CREB5: variants seen among roughly 807,000 people sequenced by gnomAD.
CREB5 encodes the protein cAMP responsive element binding protein 5.
Under a neutral mutation model 57.1 loss-of-function variants are expected in CREB5, and 19 were observed. The ratio of observed to expected loss-of-function variants is 0.33; its 90% CI spans 0.23 to 0.49. The LOEUF (loss-of-function observed/expected upper bound fraction) is 0.49. Ranked by LOEUF, CREB5 falls within the 20% of genes least tolerant of loss-of-function variation. CREB5 has a pLI of 0.99. For missense variants in CREB5, 579 were observed against 671.6 expected, an observed-to-expected ratio of 0.86 and a Z score of 1.52; for synonymous variants, 238 against 238.3, an observed-to-expected ratio of 1.00 and a Z score of 0.01.
chr7:28,731,894 A>G (rs1198799841), intron 7 of CREB5, among the ~76,000 whole-genome samples: 1 of 152,124 alleles, frequency 6.6e-6, no homozygotes, highest in Admixed American at 6.5e-5. Context: ...GACTTGGCTT[A>G]TTTGCCAGCC....
At chr7:28,528,055 C>A (rs1402403953) in intron 4 of CREB5, among the ~76,000 whole-genome samples, 1 of 152,152 alleles carries the variant, frequency 6.6e-6, no homozygotes, top group Non-Finnish European at 1.5e-5. Flanking sequence ...CAGCAAATTG[C>A]CTTGCACATA....
intron 1 of CREB5, among the ~76,000 whole-genome samples, chr7:28,421,960 C>CA (rs555785726): frequency 0.25 from 7,335 of 29,558 alleles, 612 homozygotes; most frequent in African/African-American, 0.45. Flanking sequence ...CTGAGATCAA[C>CA]GAAAAAGTCA....
At chr7:28,494,878 C>T in intron 2 of CREB5, 28 bp from the exon 3 acceptor site, 2 of 1,401,536 alleles carry the variant, frequency 1.4e-6, no homozygotes, top group Non-Finnish European at 1.9e-6. Context: ...CCTCTTCTCC[C>T]CTCCCTTTTT....
rs1562796977 is a variant in CREB5 at position 28,560,819 on chromosome 7, T to TGTGTGCGTGTGTGTGTGTGTGTGCGTGC, written c.292-9543_292-9542insTGCGTGTGTGTGTGTGTGTGCGTGCGTG. 8.5e-4 allele frequency among the ~76,000 whole-genome samples: 53 copies of TGTGTGCGTGTGTGTGTGTGTGTGCGTGC among 62,424 alleles called. 1 individual carries two copies. Among genetic ancestry groups the TGTGTGCGTGTGTGTGTGTGTGTGCGTGC allele is most frequent in the South Asian group, 3.0e-3 (5 of 1,670 alleles). The allele number at this position is 62,424 out of a possible 152,430, so 41.0% of individuals were successfully genotyped here. ...CACAGTGTGTGTGCGCGTGTGTGTG[T>TGTGTGCGTGTGTGTGTGTGTGTGCGTGC]GTGCGCGCGCGCGCGTGTGTGTGTG... On this transcript the variant is annotated intron_variant, in intron 4 of 10. Transcript: ENST00000357727.
chr7:28,469,421 G>T (rs1332381092), intron 1 of CREB5, among the ~76,000 whole-genome samples: 1 of 151,984 alleles, frequency 6.6e-6, no homozygotes, highest in African/African-American at 2.4e-5. Context: ...GAGTTTGCTG[G>T]GTAGTCCTGA....
In CREB5 at chr7:28,463,809, CT is replaced by C. The variant is rs1259466689; in HGVS notation, c.4-24359del. Among the ~76,000 whole-genome samples, 3 of 152,006 alleles carry C rather than the reference CT, an allele frequency of 2.0e-5. No homozygotes were observed. In the East Asian group the frequency reaches 5.8e-4, roughly 29 times the overall value. On this transcript the variant is annotated intron_variant, in intron 1 of 10. Coordinates refer to ENST00000357727, the MANE Select transcript of CREB5 (RefSeq NM_182898.4). Reference sequence around the variant, plus strand: ...ACACATTTGTTGGTCTCAATAGTTTCTTTTTTTAGTTGGATAATTCCTTAGT... The same window carrying C: ...ACACATTTGTTGGTCTCAATAGTTTCTTTTTTAGTTGGATAATTCCTTAGT...
At chr7:28,810,693 C>T (rs903457345) in intron 9 of CREB5, among the ~76,000 whole-genome samples, 7 of 46,896 alleles carry the variant, frequency 1.5e-4, no homozygotes, top group African/African-American at 1.0e-3. Context: ...GAGACTGTCT[C>T]AAAAAAATAA....
chr7:28,719,259 A>G (rs1802881889), intron 6 of CREB5, among the ~76,000 whole-genome samples: 1 of 152,234 alleles, frequency 6.6e-6, no homozygotes, highest in African/African-American at 2.4e-5. Flanking sequence ...AATAACTATA[A>G]TAATATCAAT....
chr7:28,461,773 T>C (rs1336828036), intron 1 of CREB5, among the ~76,000 whole-genome samples: 1 of 152,176 alleles, frequency 6.6e-6, no homozygotes, highest in Non-Finnish European at 1.5e-5. Context: ...TGTCACAATG[T>C]GTCCTGATTT....
intron 7 of CREB5, among the ~76,000 whole-genome samples, chr7:28,795,613 T>C (rs1807983568): frequency 6.6e-6 from 1 of 152,226 alleles, no homozygotes. Context: ...TCATAATGAA[T>C]ATTAGTAAGT....
intron 7 of CREB5, among the ~76,000 whole-genome samples, chr7:28,772,678 G>C (rs1806391445): frequency 6.6e-6 from 1 of 152,162 alleles, no homozygotes; most frequent in Non-Finnish European, 1.5e-5. Flanking sequence ...GTTTCATAGA[G>C]CAAAGCAGTA....
In CREB5 at chr7:28,737,505, CTG is replaced by C. The variant is rs1285351690; in HGVS notation, c.702+13187_702+13188del. 3.9e-3 allele frequency among the ~76,000 whole-genome samples: 497 copies of C among 128,546 alleles called. 9 individuals carry two copies. Among genetic ancestry groups the C allele is most frequent in the African/African-American group, 0.013 (457 of 35,384 alleles). 84.3% of individuals were successfully genotyped at this position (128,546 alleles called of 152,430 possible). A position where few individuals can be genotyped will look rare whatever the true frequency, so the allele number is the denominator to read the frequency against. Reference sequence around the variant, plus strand: ...GTAATTTCTCTCTCTCTCTCTCTCTCTGTGTGTGTGTGTGTATATATGTATAT... The same window carrying C: ...GTAATTTCTCTCTCTCTCTCTCTCTCTGTGTGTGTGTGTATATATGTATAT... On this transcript the variant is annotated intron_variant, in intron 7 of 10. Coordinates refer to ENST00000357727, the MANE Select transcript of CREB5 (RefSeq NM_182898.4).
chr7:28,720,555 C>T (rs190543408), intron 6 of CREB5, among the ~76,000 whole-genome samples: 115 of 152,268 alleles, frequency 7.6e-4, no homozygotes, highest in Admixed American at 5.0e-3. Flanking sequence ...GGCAGGGGAA[C>T]GGCGAAGGGC....
chr7:28,440,208 A>T (rs1789128802), intron 1 of CREB5, among the ~76,000 whole-genome samples: 1 of 152,140 alleles, frequency 6.6e-6, no homozygotes, highest in South Asian at 2.1e-4. Flanking sequence ...GTCGCACTCC[A>T]GTCCGACAAC....
chr7:28,552,006 C>CTTTCTCTCTTTTCTCTCTCTCTTTT (rs1554342353), intron 4 of CREB5, among the ~76,000 whole-genome samples: 4 of 131,294 alleles, frequency 3.0e-5, no homozygotes, highest in African/African-American at 1.1e-4. Context: ...TTCTCTCTCT[C>CTTTCTCTCTTTTCTCTCTCTCTTTT]TCTCTTTTCT....
intron 1 of CREB5, among the ~76,000 whole-genome samples, chr7:28,476,639 T>C (rs1313360550): frequency 6.6e-6 from 1 of 152,222 alleles, no homozygotes; most frequent in Admixed American, 6.5e-5. Flanking sequence ...CTAATCACGA[T>C]ATTAGGTTTA....
At chr7:28,363,316 G>A (rs138653217) in intron 1 of CREB5, among the ~76,000 whole-genome samples, 93 of 152,006 alleles carry the variant, frequency 6.1e-4, no homozygotes, top group Middle Eastern at 3.4e-3. Flanking sequence ...TCCTTTGATC[G>A]GGCTAAATGC....
At chr7:28,631,625 C>T (rs1406676353) in intron 5 of CREB5, among the ~76,000 whole-genome samples, 1 of 152,078 alleles carries the variant, frequency 6.6e-6, no homozygotes, top group Non-Finnish European at 1.5e-5. Flanking sequence ...GCAGTGGCAG[C>T]GTGATCTCGG....
intron 7 of CREB5, among the ~76,000 whole-genome samples, chr7:28,747,304 C>A (rs992275774): frequency 6.6e-6 from 1 of 152,220 alleles, no homozygotes; most frequent in African/African-American, 2.4e-5. Flanking sequence ...GTATTTAAAT[C>A]TTCTCAGCAT....
Sources: gnomAD v4.1 joint callset for allele counts (sites outside exome capture counted in the v4.1 genomes callset) on GRCh38, gnomAD v4.1.1 for gene constraint, MANE v1.5 for transcripts, NCBI Gene and HGNC (gene_info 2026-07-23, HGNC 2026-07-21) for gene names.